Variants in ERC1 observed in about 807,000 individuals in gnomAD.
ERC1 encodes RAB6 interacting protein 2.
A neutral mutation model predicts 132.0 loss-of-function variants in ERC1; 56 were observed. The ratio of observed to expected loss-of-function variants is 0.42; its 90% CI spans 0.34 to 0.53. The LOEUF is 0.53. Ranked by LOEUF, ERC1 falls within the 20% of genes least tolerant of loss-of-function variation. The pLI, the probability that ERC1 is intolerant of heterozygous loss-of-function variation, is 0.03. For missense variants in ERC1, 1,202 were observed against 1,349.9 expected (o/e 0.89, Z 1.72); for synonymous variants, 478 against 476.1 (o/e 1.00, Z -0.05).
chr12:1,325,039 A>C (rs1381509602), intron 15 of ERC1, among the ~76,000 whole-genome samples: 1 of 152,116 alleles, frequency 6.6e-6, no homozygotes, highest in South Asian at 2.1e-4. Context: ...TGAACTTTAA[A>C]AATAATCAAC....
intron 7 of ERC1, among the ~76,000 whole-genome samples, chr12:1,120,247 G>A (rs1227447995): frequency 6.6e-6 from 1 of 152,096 alleles, no homozygotes; most frequent in Admixed American, 6.6e-5. Context: ...TCCTGCCTCA[G>A]CCCCCAAAGC....
intron 2 of ERC1, among the ~76,000 whole-genome samples, chr12:1,071,175 T>C (rs1188924177): frequency 6.6e-6 from 1 of 152,220 alleles, no homozygotes; most frequent in Non-Finnish European, 1.5e-5. Flanking sequence ...TATATGGTTG[T>C]GTTTATTGGT....
chr12:1,458,687 C>T (rs911734737), intron 18 of ERC1, among the ~76,000 whole-genome samples: 17 of 152,068 alleles, frequency 1.1e-4, no homozygotes, highest in South Asian at 2.1e-4. Context: ...TACAGGCATG[C>T]GCCACCATGC....
In ERC1 at chr12:1,010,480, C is replaced by CAAA. The variant is rs71055122; in HGVS notation, c.-156-17256_-156-17254dup. ...GGGTGACAGAGGAAGACTCTGTCTC[C>CAAA]AAAAAAAAAAAAAAGAGAAAGGAAA... On this transcript the variant is annotated intron_variant, in intron 1 of 18. Transcript: ENST00000360905. Among the ~76,000 whole-genome samples, 302 of 93,458 alleles carry CAAA rather than the reference C, an allele frequency of 3.2e-3. 1 individual carries two copies. Among genetic ancestry groups the CAAA allele is most frequent in the African/African-American group, 0.011 (284 of 26,406 alleles). The allele number at this position is 93,458 out of a possible 152,430, so 61.3% of individuals were successfully genotyped here.
chr12:1,344,471 G>A (rs1311144989), intron 15 of ERC1, among the ~76,000 whole-genome samples: 1 of 152,200 alleles, frequency 6.6e-6, no homozygotes, highest in African/African-American at 2.4e-5. Context: ...GGCTTGTGCT[G>A]TGAAACCCTG....
intron 17 of ERC1, among the ~76,000 whole-genome samples, chr12:1,442,775 G>A (rs1319551224): frequency 6.6e-6 from 1 of 152,148 alleles, no homozygotes; most frequent in East Asian, 1.9e-4. Flanking sequence ...GAACAGTACT[G>A]ACAATATAAT....
chr12:1,317,510 C>T (rs937893875), intron 15 of ERC1, among the ~76,000 whole-genome samples: 14 of 152,082 alleles, frequency 9.2e-5, no homozygotes, highest in Non-Finnish European at 4.4e-5. Context: ...TGTAACAAAC[C>T]TGCACGTTCT....
intron 15 of ERC1, among the ~76,000 whole-genome samples, chr12:1,341,063 C>CTCTTT (rs1566629703): frequency 2.2e-5 from 1 of 45,160 alleles, no homozygotes; most frequent in African/African-American, 7.1e-5. Flanking sequence ...TTATTCTTTT[C>CTCTTT]TTTTTCTTTT....
chr12:1,458,291 T>A (rs2093579861), intron 18 of ERC1, among the ~76,000 whole-genome samples: 1 of 152,116 alleles, frequency 6.6e-6, no homozygotes, highest in Admixed American at 6.5e-5. Flanking sequence ...TACCAGGAGA[T>A]CAAGCAAATG....
intron 16 of ERC1, chr12:1,380,094 A>T (rs554760690): frequency 6.6e-6 from 1 of 152,362 alleles, no homozygotes; most frequent in African/African-American, 2.4e-5. Context: ...GTATGATTCC[A>T]CCATACTATA....
intron 12 of ERC1, among the ~76,000 whole-genome samples, chr12:1,193,455 CAT>C (rs1029016225): frequency 1.8e-4 from 27 of 146,030 alleles, no homozygotes; most frequent in Admixed American, 4.8e-4. Flanking sequence ...CACACACACA[CAT>C]AGAGATAGAT....
chr12:1,239,199 T>C (rs2075632296), intron 13 of ERC1, among the ~76,000 whole-genome samples: 3 of 152,170 alleles, frequency 2.0e-5, no homozygotes. Context: ...GCCTCCCAAG[T>C]AGCTGGGACT....
chr12:1,337,337 G>C (rs1318397904), intron 15 of ERC1, among the ~76,000 whole-genome samples: 1 of 150,232 alleles, frequency 6.7e-6, no homozygotes, highest in African/African-American at 2.5e-5. Flanking sequence ...AATCTTTGTT[G>C]GTTTAAAGTC....
At chr12:1,359,653 T>C (rs564171606) in intron 15 of ERC1, among the ~76,000 whole-genome samples, 1 of 152,230 alleles carries the variant, frequency 6.6e-6, no homozygotes, top group Non-Finnish European at 1.5e-5. Flanking sequence ...TGGCCTAGCA[T>C]ACCCTAAGCG....
rs528236470 is a variant in ERC1, at chr12:1,420,444, A to C, written c.3024+12197A>C. 2.0e-5 allele frequency among the ~76,000 whole-genome samples: 3 copies of C among 146,608 alleles called. No homozygotes were observed. In the South Asian group the frequency reaches 6.4e-4, roughly 31 times the overall value. ...GCTTTGTGAGGTTAAACTTTTTTTTATTTTATTTATTTATTTGTTTATTTA... is the reference window on the plus strand; with the variant it reads ...GCTTTGTGAGGTTAAACTTTTTTTTCTTTTATTTATTTATTTGTTTATTTA... On this transcript the variant is annotated intron_variant, in intron 17 of 18. Coordinates refer to ENST00000360905, the MANE Select transcript of ERC1 (RefSeq NM_178040.4).
At chr12:1,185,247 C>G (rs1954944376) in intron 11 of ERC1, among the ~76,000 whole-genome samples, 1 of 151,914 alleles carries the variant, frequency 6.6e-6, no homozygotes. Flanking sequence ...TGCCATGTTG[C>G]CTAGGCTGGT....
chr12:1,446,163 G>T (rs1592117872), intron 18 of ERC1, among the ~76,000 whole-genome samples: 1 of 152,096 alleles, frequency 6.6e-6, no homozygotes. Flanking sequence ...TAAAAATCCA[G>T]TGATTCTCTT....
At chr12:1,142,470 A>G (rs1418926949) in intron 8 of ERC1, among the ~76,000 whole-genome samples, 1 of 152,210 alleles carries the variant, frequency 6.6e-6, no homozygotes, top group African/African-American at 2.4e-5. Context: ...TACATATGTC[A>G]AGTCAAGTAT....
At position 991,260 on chromosome 12, in the gene ERC1, G is replaced by GGCGGCA. The variant is rs1275030250; in HGVS notation, c.-218_-217insCGGCAG. 1 of 165,906 alleles carries GGCGGCA rather than the reference G, an allele frequency of 6.0e-6. No individual in the cohort carries two copies. The highest frequency in any genetic ancestry group is 6.6e-5 in the Admixed American group (1 of 15,136). 10.3% of individuals were successfully genotyped at this position (165,906 alleles called of 1,614,324 possible). On this transcript the variant is annotated 5_prime_UTR_variant, in exon 1 of 19. Coordinates refer to ENST00000360905, the MANE Select transcript of ERC1 (RefSeq NM_178040.4). ...GCCGTGCTGTGGCGGCGGCGGCGGC[G>GGCGGCA]GTAGTGGCGGCGGCGGCGGTGCCTG...
Sources: gnomAD v4.1 joint callset for allele counts (sites outside exome capture counted in the v4.1 genomes callset) on GRCh38, gnomAD v4.1.1 for gene constraint, MANE v1.5 for transcripts, NCBI Gene and HGNC (gene_info 2026-07-23, HGNC 2026-07-21) for gene names.